The following FARS2 variants were observed in gnomAD, a reference collection of about 807,000 sequenced individuals.
The protein encoded by FARS2 is phenylalanyl-tRNA synthetase 2, mitochondrial, also known as phenylalanine--tRNA ligase, mitochondrial.
A neutral mutation model predicts 46.4 loss-of-function variants in FARS2; 40 were observed. That is an observed-to-expected ratio of 0.86 (90% CI 0.67 to 1.12). The LOEUF (loss-of-function observed/expected upper bound fraction) is 1.12. Ranked by LOEUF, FARS2 falls within the 50% of genes most tolerant of loss-of-function variation. The pLI is 0.00. For missense variants in FARS2, 513 were observed against 567.9 expected (o/e 0.90, Z 0.98); for synonymous variants, 234 against 214.9 (o/e 1.09, Z -0.78).
At chr6:5,279,561 T>C (rs951904410) in intron 1 of FARS2, among the ~76,000 whole-genome samples, 1 of 147,612 alleles carries the variant, frequency 6.8e-6, no homozygotes, top group Non-Finnish European at 1.5e-5. Context: ...TATAAATGTG[T>C]GTGTGTGTGT....
At chr6:5,429,590 G>A (rs141103979) in intron 3 of FARS2, among the ~76,000 whole-genome samples, 93 of 152,242 alleles carry the variant, frequency 6.1e-4, no homozygotes, top group African/African-American at 2.2e-3. Flanking sequence ...AGGATTGCTT[G>A]AGGCCAGAAG....
chr6:5,405,699 T>A (rs531433946), intron 3 of FARS2, among the ~76,000 whole-genome samples: 110 of 151,898 alleles, frequency 7.2e-4, no homozygotes, highest in African/African-American at 2.0e-3. Flanking sequence ...TCACCGTGTT[T>A]GCCAAGATGG....
chr6:5,647,004 T>A (rs1777114522), intron 6 of FARS2, among the ~76,000 whole-genome samples: 1 of 152,210 alleles, frequency 6.6e-6, no homozygotes. Context: ...TCCCCTTTGC[T>A]TATTATCAGC....
chr6:5,405,480 CTTTTTTTT>C (rs398000284), intron 3 of FARS2, among the ~76,000 whole-genome samples: 5 of 58,946 alleles, frequency 8.5e-5, no homozygotes, highest in Non-Finnish European at 1.6e-4. Flanking sequence ...GAGCAAGGTT[CTTTTTTTT>C]TTTTTTTTTT....
intron 6 of FARS2, among the ~76,000 whole-genome samples, chr6:5,738,798 C>T (rs1761111673): frequency 6.6e-6 from 1 of 151,600 alleles, no homozygotes; most frequent in Admixed American, 6.6e-5. Context: ...AGTTTCAAGA[C>T]TCCTGAAAGC....
At chr6:5,514,221 G>T (rs1445443544) in intron 4 of FARS2, among the ~76,000 whole-genome samples, 2 of 152,016 alleles carry the variant, frequency 1.3e-5, no homozygotes, top group Admixed American at 1.3e-4. Context: ...TAAGTAATCT[G>T]CCAGCCACCT....
intron 5 of FARS2, chr6:5,609,808 C>G (rs1020208409): frequency 8.0e-7 from 1 of 1,242,660 alleles, no homozygotes; most frequent in Non-Finnish European, 1.2e-6. Flanking sequence ...TTTTTCCAAA[C>G]TGTTCAAAAT....
chr6:5,661,532 G>T (rs1439762735), intron 6 of FARS2, among the ~76,000 whole-genome samples: 3 of 152,136 alleles, frequency 2.0e-5, no homozygotes, highest in Admixed American at 6.5e-5. Flanking sequence ...GGGGAGCCAG[G>T]AGTGAGGAAG....
At chr6:5,450,669 A>G (rs1336737879) in intron 4 of FARS2, among the ~76,000 whole-genome samples, 1 of 152,118 alleles carries the variant, frequency 6.6e-6, no homozygotes, top group African/African-American at 2.4e-5. Flanking sequence ...AGGGTTAGGG[A>G]TCCAGACTTG....
In FARS2 at chr6:5,582,199, G is replaced by A. The variant is rs1242487607; in HGVS notation, c.1066-30970G>A. Among the ~76,000 whole-genome samples the A allele has an allele frequency of 1.3e-4, 9 of 71,806 alleles. 1 individual carries two copies. Among genetic ancestry groups the A allele is most frequent in the Admixed American group, 3.8e-4 (3 of 7,804 alleles). 47.1% of individuals were successfully genotyped at this position (71,806 alleles called of 152,430 possible). A position where few individuals can be genotyped will look rare whatever the true frequency, so the allele number is the denominator to read the frequency against. Reference sequence around the variant, plus strand: ...GATACTTCCGGTTAATTCCTGATGCGCTTTTCTAAGTGGTCACAGTAACAT... The same window carrying A: ...GATACTTCCGGTTAATTCCTGATGCACTTTTCTAAGTGGTCACAGTAACAT... On this transcript the variant is annotated intron_variant, in intron 5 of 6. Coordinates refer to ENST00000274680, the MANE Select transcript of FARS2 (RefSeq NM_006567.5).
intron 6 of FARS2, among the ~76,000 whole-genome samples, chr6:5,752,148 A>T (rs1227741553): frequency 6.6e-6 from 1 of 152,156 alleles, no homozygotes; most frequent in African/African-American, 2.4e-5. Flanking sequence ...CATAACCAAT[A>T]CATCAGGGTG....
chr6:5,424,541 G>A (rs1220499822), intron 3 of FARS2, among the ~76,000 whole-genome samples: 1 of 152,188 alleles, frequency 6.6e-6, no homozygotes, highest in Non-Finnish European at 1.5e-5. Context: ...GCCGAATAAA[G>A]TACACACTAT....
At chr6:5,389,596 A>G (rs553168659) in intron 2 of FARS2, among the ~76,000 whole-genome samples, 36 of 152,340 alleles carry the variant, frequency 2.4e-4, no homozygotes, top group African/African-American at 7.9e-4. Flanking sequence ...TTTTTGGTCT[A>G]TTACCTCAGG....
chr6:5,388,132 A>G (rs913600020), intron 2 of FARS2, among the ~76,000 whole-genome samples: 1 of 152,132 alleles, frequency 6.6e-6, no homozygotes, highest in Non-Finnish European at 1.5e-5. Context: ...CAGTGGGAGA[A>G]GCACTTATCT....
At chr6:5,354,892 C>T (rs1315918231) in intron 1 of FARS2, among the ~76,000 whole-genome samples, 1 of 152,014 alleles carries the variant, frequency 6.6e-6, no homozygotes, top group Non-Finnish European at 1.5e-5. Flanking sequence ...TGTGCCCTGC[C>T]CCAGAGTTCC....
chr6:5,640,712 G>T (rs2150738772), intron 6 of FARS2, among the ~76,000 whole-genome samples: 1 of 152,284 alleles, frequency 6.6e-6, no homozygotes, highest in African/African-American at 2.4e-5. Flanking sequence ...TAACAATACT[G>T]CACACCAGAC....
chr6:5,307,492 C>T (rs1188821821), intron 1 of FARS2, among the ~76,000 whole-genome samples: 2 of 152,268 alleles, frequency 1.3e-5, no homozygotes, highest in South Asian at 2.1e-4. Flanking sequence ...TACACACACG[C>T]GTGCACACAC....
chr6:5,749,876 T>A (rs935820886), intron 6 of FARS2, among the ~76,000 whole-genome samples: 1 of 152,142 alleles, frequency 6.6e-6, no homozygotes, highest in Non-Finnish European at 1.5e-5. Context: ...CTGCCTCCAC[T>A]CACGGCTGCC....
intron 1 of FARS2, among the ~76,000 whole-genome samples, chr6:5,322,289 A>G (rs1321408628): frequency 6.6e-6 from 1 of 152,244 alleles, no homozygotes; most frequent in Non-Finnish European, 1.5e-5. Flanking sequence ...TGATTTTAAT[A>G]ACACTGGATA....
Sources: allele counts gnomAD v4.1 joint callset (sites outside exome capture counted in the v4.1 genomes callset), GRCh38; gene constraint gnomAD v4.1.1; transcripts MANE v1.5; gene names NCBI Gene and HGNC (gene_info 2026-07-23, HGNC 2026-07-21).